ENDOV: variants seen among roughly 807,000 people sequenced by gnomAD.
ENDOV encodes the protein hEndoV.
A neutral mutation model predicts 39.4 loss-of-function variants in ENDOV; 37 were observed. The ratio of observed to expected loss-of-function variants is 0.94; its 90% CI spans 0.72 to 1.23. The LOEUF (loss-of-function observed/expected upper bound fraction) is 1.23. Ranked by LOEUF, ENDOV falls within the 50% of genes most tolerant of loss-of-function variation. The probability of loss-of-function intolerance (pLI) is 0.00; values close to 1 mark genes in which losing one functional copy is unlikely to be tolerated. For synonymous variants in ENDOV, 186 were observed against 163.4 expected (o/e 1.14, Z -1.05); for missense variants, 441 against 375.7 (o/e 1.17, Z -1.44).
chr17:80,427,428 T>G (rs2082842209), intron 7 of ENDOV: 1 of 985,284 alleles, frequency 1.0e-6, no homozygotes, highest in Admixed American at 6.1e-5. Context: ...ACCTGGCCTG[T>G]GAGTACCTTA....
intron 4 of ENDOV, 59 bp from the exon 5 acceptor site, chr17:80,423,461 A>T (rs1030855482): frequency 7.4e-6 from 11 of 1,480,850 alleles, no homozygotes; most frequent in Admixed American, 4.1e-5. Context: ...CTTGTCCTGA[A>T]TCCCTGTGCC....
At chr17:80,432,427 G>A (rs1414420091) in intron 9 of ENDOV, among the ~76,000 whole-genome samples, 5 of 152,126 alleles carry the variant, frequency 3.3e-5, no homozygotes, top group African/African-American at 1.2e-4. Flanking sequence ...GCCGTGGACA[G>A]CCTCCAGAGG....
intron 5 of ENDOV, chr17:80,424,191 G>A (rs186254292): frequency 2.3e-5 from 9 of 399,366 alleles, no homozygotes; most frequent in African/African-American, 1.6e-4. Context: ...TTCACTGGAT[G>A]GCAGATTCTG....
At chr17:80,430,135 G>C (rs762599275) in intron 9 of ENDOV, 2 of 1,524,304 alleles carry the variant, frequency 1.3e-6, no homozygotes, top group Middle Eastern at 1.7e-4. Context: ...GGTGACCACG[G>C]CCCCTCTTTG....
chr17:80,425,611 C>G lies in ENDOV; in HGVS notation c.705C>G (p.Pro235=). ...GCTGCAGGTTCCGGATCCCAGAGCCCGTGCGCCAGGTGGGTGTGCTGGGGA... is the reference window on the plus strand; with the variant it reads ...GCTGCAGGTTCCGGATCCCAGAGCCGGTGCGCCAGGTGGGTGTGCTGGGGA... ...CCCCRFRIPE[P]VRQADICSRE... is the part of the protein sequence containing the mutation. The change falls in exon 7 of 10, where the codon CCC becomes CCG. Residue 235 remains proline, a synonymous_variant. Coordinates refer to ENST00000518137, the MANE Select transcript of ENDOV (RefSeq NM_173627.5). 1 of 1,583,590 alleles carries G rather than the reference C, an allele frequency of 6.3e-7. No homozygotes were observed. The highest frequency in any genetic ancestry group is 8.5e-7 in the Non-Finnish European group (1 of 1,171,136).
rs765992600 is a variant in ENDOV, at chr17:80,423,888, G to A, written c.516+256G>A. On this transcript the variant is annotated intron_variant, in intron 5 of 9. Coordinates refer to ENST00000518137, the MANE Select transcript of ENDOV (RefSeq NM_173627.5). ...TGGTCCCCCTTGCCTCTGAGCCACCGTGGCACACCAAGTAGGGCTAAGTCC... is the reference window on the plus strand; with the variant it reads ...TGGTCCCCCTTGCCTCTGAGCCACCATGGCACACCAAGTAGGGCTAAGTCC... 221 of 516,562 alleles carry A rather than the reference G, an allele frequency of 4.3e-4. 1 individual carries two copies. Among genetic ancestry groups the A allele is most frequent in the Admixed American group, 3.9e-4 (11 of 28,500 alleles). 32.0% of individuals were successfully genotyped at this position (516,562 alleles called of 1,614,324 possible).
rs371303562 is a variant in ENDOV, at chr17:80,436,180, T to C, written c.*37T>C. 1 of 1,590,572 alleles carries C rather than the reference T, an allele frequency of 6.3e-7. No homozygotes were observed. The highest frequency in any genetic ancestry group is 1.3e-5 in the African/African-American group (1 of 74,094). On this transcript the variant is annotated 3_prime_UTR_variant, in exon 10 of 10. Transcript: ENST00000518137. ...AGAGCACACGTCCTCGTCTCATTCC[T>C]GATCGAACGCGGTGGTGAGAGCACA...
Position 80,436,442 on chromosome 17 carries a change from G to GCA in ENDOV, c.*299_*300insCA. The GCA allele has an allele frequency of 8.9e-7, 1 of 1,124,316 alleles. No individual in the cohort carries two copies. The highest frequency in any genetic ancestry group is 1.2e-6 in the Non-Finnish European group (1 of 852,626). The allele number at this position is 1,124,316 out of a possible 1,614,324, so 69.6% of individuals were successfully genotyped here. On this transcript the variant is annotated 3_prime_UTR_variant, in exon 10 of 10. Transcript: ENST00000518137. Reference sequence around the variant, plus strand: ...GATGCTCTTCATCCAGCTGAAGACGGTCCCTTCTAGTCCTAATTTGTTAAG... The same window carrying GCA: ...GATGCTCTTCATCCAGCTGAAGACGGCATCCCTTCTAGTCCTAATTTGTTAAG...
chr17:80,415,940 A>G, intron 2 of ENDOV, 119 bp downstream of exon 2: 1 of 1,339,912 alleles, frequency 7.5e-7, no homozygotes. Flanking sequence ...GGATGTCATT[A>G]ATAGTCTGGG....
chr17:80,433,564 C>A (rs955294463), intron 9 of ENDOV, among the ~76,000 whole-genome samples: 8 of 152,362 alleles, frequency 5.3e-5, no homozygotes, highest in African/African-American at 1.9e-4. Context: ...CTCCTGCGCC[C>A]TGGGGCTTCA....
At chr17:80,430,177 G>C (rs2083237162) in intron 9 of ENDOV, 1 of 1,492,344 alleles carries the variant, frequency 6.7e-7, no homozygotes, top group South Asian at 1.3e-5. Flanking sequence ...TGTGGTCACG[G>C]TGCCTCAGAG....
chr17:80,423,542 T>G lies in ENDOV; in HGVS notation c.426T>G (p.Leu142=), dbSNP rs1286425073. ...CAGGCTTTGGGGTGGCCTGCCACCT[T>G]GGCGTCCTTACAGACCTGCCGTGTG... ...HHRGFGVACH[L]GVLTDLPCVG... The change falls in exon 5 of 10, where the codon CTT becomes CTG. Residue 142 remains leucine (L), a synonymous_variant. Coordinates refer to ENST00000518137, the MANE Select transcript of ENDOV (RefSeq NM_173627.5). The G allele has an allele frequency of 4.5e-6, 7 of 1,544,768 alleles. No homozygotes were observed. Among genetic ancestry groups the G allele is most frequent in the Non-Finnish European group, 6.1e-6 (7 of 1,142,902 alleles).
At position 80,431,778 on chromosome 17, in the gene ENDOV, G is replaced by A. The variant is rs556931868; in HGVS notation, c.838+1947G>A. ...GAATCTCTGCCCTTCCCACCGAAAG[G>A]GGCAGGAGCTAGTGGATGGGGACGG... On this transcript the variant is annotated intron_variant, in intron 9 of 9. Transcript: ENST00000518137. Among the ~76,000 whole-genome samples, 5 of 152,340 alleles carry A rather than the reference G, an allele frequency of 3.3e-5. No individual in the cohort carries two copies. In the South Asian group the frequency reaches 1.0e-3, roughly 32 times the overall value.
intron 8 of ENDOV, 69 bp from the exon 9 acceptor site, chr17:80,429,704 C>G: frequency 6.9e-7 from 1 of 1,456,642 alleles, no homozygotes; most frequent in Non-Finnish European, 9.4e-7. Flanking sequence ...CAGACCCCAT[C>G]TGGGGTGTGA....
intron 3 of ENDOV, 81 bp from the exon 4 acceptor site, chr17:80,422,125 C>T (rs2082117189): frequency 6.3e-7 from 1 of 1,590,236 alleles, no homozygotes; most frequent in Non-Finnish European, 8.6e-7. Context: ...AGACAGTGCC[C>T]CCTTCTTGCC....
At chr17:80,425,150 C>CT in intron 6 of ENDOV, 50 bp downstream of exon 6, 2 of 1,517,800 alleles carry the variant, frequency 1.3e-6, no homozygotes, top group Non-Finnish European at 1.8e-6. Context: ...GTAGGGGATC[C>CT]TTTGCAGGCA....
chr17:80,415,429 T>G (rs1432377726), intron 1 of ENDOV, 179 bp downstream of exon 1: 2 of 991,254 alleles, frequency 2.0e-6, no homozygotes, highest in African/African-American at 1.6e-5. Flanking sequence ...GTCCGCGGGG[T>G]GGGCGCGGTT....
chr17:80,428,919 C>CAAG (rs1261544196), intron 8 of ENDOV, among the ~76,000 whole-genome samples: 1 of 152,230 alleles, frequency 6.6e-6, no homozygotes, highest in Non-Finnish European at 1.5e-5. Flanking sequence ...CTGTCTGGTC[C>CAAG]AAGCCCTACC....
rs1260141241 is a variant in ENDOV at position 80,430,176 on chromosome 17, G to A, written c.838+345G>A. 8.7e-6 allele frequency: 13 copies of A among 1,493,082 alleles called. No homozygotes were observed. The East Asian group carries it at 1.5e-4, about 17-fold the overall frequency. 92.5% of individuals were successfully genotyped at this position (1,493,082 alleles called of 1,614,324 possible). ...TCATCGGCTGGTCAGCTGTGGTCAC[G>A]GTGCCTCAGAGGACAGATCTCTATG... On this transcript the variant is annotated intron_variant, in intron 9 of 9. Coordinates refer to ENST00000518137, the MANE Select transcript of ENDOV (RefSeq NM_173627.5).
Sources: gnomAD v4.1 joint callset for allele counts (sites outside exome capture counted in the v4.1 genomes callset) on GRCh38, gnomAD v4.1.1 for gene constraint, MANE v1.5 for transcripts, NCBI Gene and HGNC (gene_info 2026-07-23, HGNC 2026-07-21) for gene names.